CALD1: variants seen among roughly 807,000 people sequenced by gnomAD.
The protein encoded by CALD1 is caldesmon 1.
CALD1 carries 33 observed loss-of-function variants against 99.9 expected under a neutral mutation model. The observed-to-expected ratio is 0.33, with a 90% CI of 0.25 to 0.44. CALD1 has a LOEUF of 0.44. CALD1 is among the 20% of genes least tolerant of loss of function. The pLI is 1.00. For synonymous variants in CALD1, 310 were observed against 325.0 expected (o/e 0.95, Z 0.50); for missense variants, 861 against 962.1 (o/e 0.89, Z 1.39).
chr7:134,819,261 C>A (rs1360751267), intron 1 of CALD1, among the ~76,000 whole-genome samples: 1 of 152,174 alleles, frequency 6.6e-6, no homozygotes, highest in Non-Finnish European at 1.5e-5. Context: ...AACTCCTAGT[C>A]TTCCTTCACA....
intron 3 of CALD1, chr7:134,920,646 T>C: frequency 1.6e-6 from 2 of 1,289,322 alleles, no homozygotes; most frequent in Admixed American, 2.3e-5. Flanking sequence ...TGACTTCTTA[T>C]ATGAAAGTGG....
rs181456710 is a variant in CALD1 at position 134,823,413 on chromosome 7, T to C, written c.-129-20471T>C. ...ATTGCCCCCTTTTTATCCAGATAGC[T>C]TCAGCAATAGATAAAGCATGGAGAT... On this transcript the variant is annotated intron_variant, in intron 1 of 14. Coordinates refer to ENST00000361675, the MANE Select transcript of CALD1 (RefSeq NM_033138.4). Among the ~76,000 whole-genome samples the C allele has an allele frequency of 1.0e-3, 153 of 152,332 alleles. 1 individual carries two copies. Among genetic ancestry groups the C allele is most frequent in the East Asian group, 5.8e-4 (3 of 5,188 alleles).
chr7:134,891,014 T>C (rs1296278190), intron 3 of CALD1, among the ~76,000 whole-genome samples: 2 of 152,238 alleles, frequency 1.3e-5, no homozygotes, highest in African/African-American at 2.4e-5. Flanking sequence ...CCTACACCAA[T>C]GCTAATTGAG....
At chr7:134,771,400 A>G (rs960209200) in intron 1 of CALD1, among the ~76,000 whole-genome samples, 1 of 151,602 alleles carries the variant, frequency 6.6e-6, no homozygotes, top group African/African-American at 2.4e-5. Flanking sequence ...CATTCACTCC[A>G]TTATTCAGAC....
intron 3 of CALD1, among the ~76,000 whole-genome samples, chr7:134,885,591 C>T (rs575133318): frequency 1.3e-5 from 2 of 152,172 alleles, no homozygotes; most frequent in Non-Finnish European, 2.9e-5. Context: ...TATTTAGACA[C>T]TTTGAACAAG....
chr7:134,818,196 CATATTCTATGAGTAATAA>C lies in CALD1; in HGVS notation c.-129-25685_-129-25668del, dbSNP rs1252317391. 2.0e-5 allele frequency among the ~76,000 whole-genome samples: 3 copies of C among 152,184 alleles called. No individual in the cohort carries two copies. The South Asian group carries it at 6.2e-4, about 32-fold the overall frequency. The stretch of plus-strand genomic sequence containing the variant: ...ATACAATATTTTACTTTTTAAGCTT[CATATTCTATGAGTAATAA>C]ATTTAGTTTTGAGGGATAAGATAGC... On this transcript the variant is annotated intron_variant, in intron 1 of 14. Coordinates refer to ENST00000361675, the MANE Select transcript of CALD1 (RefSeq NM_033138.4).
intron 4 of CALD1, 70 bp from the exon 5 acceptor site, chr7:134,932,918 C>T: frequency 9.4e-7 from 1 of 1,068,260 alleles, no homozygotes; most frequent in South Asian, 1.5e-5. Context: ...CTGGGTAGCA[C>T]AGGCTGTATG....
chr7:134,935,028 T>G (rs1321936136), intron 5 of CALD1, among the ~76,000 whole-genome samples: 1 of 152,130 alleles, frequency 6.6e-6, no homozygotes, highest in Non-Finnish European at 1.5e-5. Context: ...CTCAGCTTAA[T>G]GTAGACTTGC....
chr7:134,816,942 G>T (rs1234377689), intron 1 of CALD1, among the ~76,000 whole-genome samples: 1 of 152,170 alleles, frequency 6.6e-6, no homozygotes, highest in Non-Finnish European at 1.5e-5. Flanking sequence ...TTTTGGAAAA[G>T]TAGCTGTCAG....
intron 3 of CALD1, among the ~76,000 whole-genome samples, chr7:134,923,025 A>G (rs1013973560): frequency 1.3e-5 from 2 of 152,240 alleles, no homozygotes; most frequent in African/African-American, 4.8e-5. Flanking sequence ...CGTACAATCA[A>G]ATAACATCAT....
chr7:134,935,869 G>A, intron 6 of CALD1, 104 bp downstream of exon 6: 2 of 1,134,684 alleles, frequency 1.8e-6, no homozygotes, highest in Non-Finnish European at 2.5e-6. Flanking sequence ...CTCATATCCA[G>A]TGTATTTCAA....
intron 1 of CALD1, among the ~76,000 whole-genome samples, chr7:134,749,937 A>G (rs1047633898): frequency 1.4e-4 from 21 of 152,132 alleles, no homozygotes; most frequent in Non-Finnish European, 3.1e-4. Context: ...AGTTCCCAGT[A>G]AACAGGCGCC....
chr7:134,935,096 A>G (rs1805856798), intron 5 of CALD1, among the ~76,000 whole-genome samples: 1 of 152,168 alleles, frequency 6.6e-6, no homozygotes, highest in African/African-American at 2.4e-5. Context: ...TTAAGAGCAT[A>G]CATGCTGCTT....
chr7:134,801,262 G>A (rs899704665), intron 1 of CALD1, among the ~76,000 whole-genome samples: 3 of 151,838 alleles, frequency 2.0e-5, no homozygotes, highest in African/African-American at 2.4e-5. Flanking sequence ...AAAACTATCC[G>A]TGTTCATCCT....
At chr7:134,755,515 T>C (rs554830867) in intron 1 of CALD1, among the ~76,000 whole-genome samples, 37 of 152,306 alleles carry the variant, frequency 2.4e-4, no homozygotes, top group African/African-American at 8.4e-4. Flanking sequence ...CATTTTTCTA[T>C]TGGGTGGCTT....
intron 1 of CALD1, among the ~76,000 whole-genome samples, chr7:134,809,277 A>G (rs1369893419): frequency 6.6e-6 from 1 of 152,154 alleles, no homozygotes; most frequent in African/African-American, 2.4e-5. Context: ...ATTCTTTTTA[A>G]TGTAGTATTT....
At chr7:134,732,859 G>A in the CALD1 span, among the ~76,000 whole-genome samples, 10 of 152,242 alleles carry the variant, frequency 6.6e-5, no homozygotes, top group Admixed American at 2.6e-4. Flanking sequence ...TAAATGTATC[G>A]TCACACATAA....
intron 3 of CALD1, among the ~76,000 whole-genome samples, chr7:134,878,452 C>G (rs1801449376): frequency 6.6e-6 from 1 of 152,070 alleles, no homozygotes; most frequent in Non-Finnish European, 1.5e-5. Flanking sequence ...GCCTGTAATT[C>G]CAGCTACTGG....
At chr7:134,864,601 T>A (rs1800720217) in intron 2 of CALD1, among the ~76,000 whole-genome samples, 1 of 152,068 alleles carries the variant, frequency 6.6e-6, no homozygotes, top group Non-Finnish European at 1.5e-5. Context: ...GGTTTCACCG[T>A]GTTGGCCAGG....
Sources: gnomAD v4.1 joint callset for allele counts (sites outside exome capture counted in the v4.1 genomes callset) on GRCh38, gnomAD v4.1.1 for gene constraint, MANE v1.5 for transcripts, NCBI Gene and HGNC (gene_info 2026-07-23, HGNC 2026-07-21) for gene names.